The following HTR1E variants were observed in gnomAD, a reference collection of about 807,000 sequenced individuals.
The protein encoded by HTR1E is 5-HT-1E.
HTR1E carries 3 observed loss-of-function variants against 3.4 expected under a neutral mutation model. That is an observed-to-expected ratio of 0.89 (90% CI 0.41 to 2.31). HTR1E has a LOEUF of 2.31. Among genes scored for constraint, HTR1E ranks in the 30% most tolerant of loss-of-function variants. HTR1E has a pLI of 0.05. For missense variants in HTR1E, 392 were observed against 467.0 expected, an observed-to-expected ratio of 0.84 and a Z score of 1.48; for synonymous variants, 170 against 182.8, an observed-to-expected ratio of 0.93 and a Z score of 0.56.
At chr6:86,943,126 T>G (rs1327423005) in intron 1 of HTR1E, among the ~76,000 whole-genome samples, 1 of 152,218 alleles carries the variant, frequency 6.6e-6, no homozygotes, top group Non-Finnish European at 1.5e-5. Context: ...TTGTTACTAT[T>G]ACCACATAGT....
At chr6:86,958,647 A>G (rs993676492) in intron 1 of HTR1E, among the ~76,000 whole-genome samples, 4 of 152,218 alleles carry the variant, frequency 2.6e-5, no homozygotes, top group African/African-American at 9.6e-5. Flanking sequence ...AATGAATGAG[A>G]CAAATGCCCT....
At chr6:86,950,593 T>C (rs568907768) in intron 1 of HTR1E, among the ~76,000 whole-genome samples, 1 of 152,338 alleles carries the variant, frequency 6.6e-6, no homozygotes, top group East Asian at 1.9e-4. Context: ...ATCATAGGAT[T>C]GTCAGAATCA....
intron 1 of HTR1E, among the ~76,000 whole-genome samples, chr6:86,946,619 G>C (rs560920433): frequency 6.6e-6 from 1 of 152,258 alleles, no homozygotes; most frequent in East Asian, 1.9e-4. Flanking sequence ...ATATGTTTCA[G>C]CTTCTACTCC....
At chr6:86,945,455 C>G (rs1487358267) in intron 1 of HTR1E, among the ~76,000 whole-genome samples, 1 of 151,990 alleles carries the variant, frequency 6.6e-6, no homozygotes, top group Non-Finnish European at 1.5e-5. Flanking sequence ...ATTGGCCATG[C>G]TGGTCTTGAA....
intron 1 of HTR1E, among the ~76,000 whole-genome samples, chr6:87,003,382 TAA>T (rs942240921): frequency 2.0e-5 from 3 of 151,716 alleles, no homozygotes; most frequent in East Asian, 3.9e-4. Flanking sequence ...TACTTAAAAA[TAA>T]AAAAATTAGC....
At chr6:86,970,129 G>C (rs1159285723) in intron 1 of HTR1E, among the ~76,000 whole-genome samples, 1 of 152,150 alleles carries the variant, frequency 6.6e-6, no homozygotes, top group Non-Finnish European at 1.5e-5. Context: ...AGCTCCTGAA[G>C]GTTGTTTCTT....
At chr6:86,977,048 G>A (rs371385739) in intron 1 of HTR1E, among the ~76,000 whole-genome samples, 3 of 152,056 alleles carry the variant, frequency 2.0e-5, no homozygotes, top group East Asian at 3.9e-4. Flanking sequence ...ACCTCGGTAT[G>A]GTGCCAATTT....
intron 1 of HTR1E, among the ~76,000 whole-genome samples, chr6:86,987,222 A>G (rs1050265493): frequency 3.3e-5 from 5 of 152,184 alleles, no homozygotes; most frequent in Non-Finnish European, 7.3e-5. Flanking sequence ...TCACTGAAAC[A>G]TGAGATGAGA....
intron 1 of HTR1E, among the ~76,000 whole-genome samples, chr6:86,997,476 AAGTT>A (rs1224590564): frequency 2.0e-5 from 3 of 152,000 alleles, no homozygotes; most frequent in East Asian, 3.9e-4. Context: ...CATATCTAAT[AAGTT>A]AGTTCAGCAA....
chr6:86,970,919 A>C (rs1351390929), intron 1 of HTR1E: 2 of 309,270 alleles, frequency 6.5e-6, no homozygotes, highest in Non-Finnish European at 1.2e-5. Context: ...GCTAATCTAC[A>C]ACAGTGGTTA....
At chr6:87,006,201 TTA>T (rs1253478343) in intron 1 of HTR1E, among the ~76,000 whole-genome samples, 3 of 152,152 alleles carry the variant, frequency 2.0e-5, no homozygotes, top group African/African-American at 7.2e-5. Context: ...AATAGAACTA[TTA>T]TATGATTCAG....
intron 1 of HTR1E, among the ~76,000 whole-genome samples, chr6:86,966,414 G>C (rs1767471714): frequency 6.6e-6 from 1 of 152,200 alleles, no homozygotes; most frequent in Non-Finnish European, 1.5e-5. Flanking sequence ...ATAATGCAAA[G>C]TATACAGGTC....
intron 1 of HTR1E, among the ~76,000 whole-genome samples, chr6:86,992,614 C>A (rs1169401606): frequency 6.6e-6 from 1 of 152,114 alleles, no homozygotes; most frequent in Non-Finnish European, 1.5e-5. Flanking sequence ...ATGTAGATAA[C>A]AAATCCATCA....
chr6:86,944,227 G>C (rs1187739505), intron 1 of HTR1E, among the ~76,000 whole-genome samples: 1 of 152,150 alleles, frequency 6.6e-6, no homozygotes, highest in Non-Finnish European at 1.5e-5. Flanking sequence ...ATATCCCATG[G>C]CTTCTGCTGT....
At chr6:87,009,909 C>T (rs1174702562) in intron 1 of HTR1E, among the ~76,000 whole-genome samples, 21 of 116,626 alleles carry the variant, frequency 1.8e-4, no homozygotes, top group African/African-American at 5.2e-4. Context: ...CCCTCCCGGA[C>T]GGGGCGGCTG....
intron 1 of HTR1E, among the ~76,000 whole-genome samples, chr6:86,993,873 G>T (rs965445380): frequency 3.7e-4 from 57 of 152,114 alleles, no homozygotes; most frequent in African/African-American, 1.1e-3. Flanking sequence ...AAACATCTCA[G>T]TGAAGAATTA....
intron 1 of HTR1E, among the ~76,000 whole-genome samples, chr6:87,004,782 C>T (rs911974269): frequency 1.3e-5 from 2 of 151,990 alleles, no homozygotes; most frequent in African/African-American, 2.4e-5. Context: ...GCACTCAAAT[C>T]AGAAAAGAAG....
At chr6:86,962,955 T>C (rs1422898815) in intron 1 of HTR1E, among the ~76,000 whole-genome samples, 1 of 152,248 alleles carries the variant, frequency 6.6e-6, no homozygotes, top group Non-Finnish European at 1.5e-5. Context: ...ACTTTTATTG[T>C]TATTTTAGTG....
chr6:86,969,870 G>A (rs1478392433), intron 1 of HTR1E, among the ~76,000 whole-genome samples: 1 of 152,142 alleles, frequency 6.6e-6, no homozygotes, highest in East Asian at 1.9e-4. Context: ...AGTGGAACTT[G>A]GCCTGGGGAG....
Sources: allele counts gnomAD v4.1 joint callset (sites outside exome capture counted in the v4.1 genomes callset), GRCh38; gene constraint gnomAD v4.1.1; transcripts MANE v1.5; gene names NCBI Gene and HGNC (gene_info 2026-07-23, HGNC 2026-07-21).